Variants in COL5A2 observed in about 807,000 individuals in gnomAD.
The protein encoded by COL5A2 is collagen alpha-2(V) chain.
A neutral mutation model predicts 208.2 loss-of-function variants in COL5A2; 23 were observed. That is an observed-to-expected ratio of 0.11 (90% CI 0.08 to 0.16). COL5A2 has a LOEUF of 0.16. Ranked by LOEUF, COL5A2 falls within the 10% of genes least tolerant of loss-of-function variation. COL5A2 has a pLI of 1.00. For missense variants in COL5A2, 1,590 were observed against 1,956.4 expected (o/e 0.81, Z 3.53); for synonymous variants, 625 against 628.5 (o/e 0.99, Z 0.08).
chr2:189,260,719 A>C, the COL5A2 span, among the ~76,000 whole-genome samples: 1 of 152,224 alleles, frequency 6.6e-6, no homozygotes, highest in Non-Finnish European at 1.5e-5. Context: ...AGAAGGAAAG[A>C]AAGGTGGTGA....
At chr2:189,265,629 C>A in the COL5A2 span, among the ~76,000 whole-genome samples, 1 of 152,090 alleles carries the variant, frequency 6.6e-6, no homozygotes, top group African/African-American at 2.4e-5. Context: ...TTCAACAAAT[C>A]TTTTATGGGA....
At position 189,043,255 on chromosome 2, in the gene COL5A2, G is replaced by A; in HGVS notation, c.3367C>T (p.Pro1123Ser). Residue 1123 changes from proline to serine, a missense_variant, in exon 48 of 54, where the codon CCC becomes TCC. Physicochemically the swap from Pro to Ser is moderately conservative, Grantham distance 74. Coordinates refer to ENST00000374866, the MANE Select transcript of COL5A2 (RefSeq NM_000393.5). ...GRAGKRGLPG[P>S]QGPRGDKGDH... ...CCTTTGTCACCACGAGGTCCTTGGG[G>A]TCCCTAGAAATAGAGATATGGCATG... is the stretch of plus-strand genomic sequence containing the variant. The A allele has an allele frequency of 1.2e-6, 2 of 1,610,214 alleles. No homozygotes were observed. Among genetic ancestry groups the A allele is most frequent in the Non-Finnish European group, 1.7e-6 (2 of 1,176,666 alleles).
chr2:189,048,468 A>C (rs760061359), intron 44 of COL5A2, among the ~76,000 whole-genome samples: 1 of 152,210 alleles, frequency 6.6e-6, no homozygotes, highest in South Asian at 2.1e-4. Flanking sequence ...TACTTAATCC[A>C]TATTCTTCAT....
At chr2:189,433,666 G>A in the COL5A2 span, among the ~76,000 whole-genome samples, 1 of 152,092 alleles carries the variant, frequency 6.6e-6, no homozygotes, top group Non-Finnish European at 1.5e-5. Context: ...CCAATAACAG[G>A]CTCTGAAATT....
the COL5A2 span, among the ~76,000 whole-genome samples, chr2:189,332,943 T>C: frequency 6.6e-6 from 1 of 152,134 alleles, no homozygotes; most frequent in African/African-American, 2.4e-5. Flanking sequence ...ATTTGGAAAT[T>C]AAGCAACACT....
chr2:189,259,138 G>A, the COL5A2 span, among the ~76,000 whole-genome samples: 1 of 152,030 alleles, frequency 6.6e-6, no homozygotes, highest in Non-Finnish European at 1.5e-5. Context: ...AGTACCTTTT[G>A]GACACTCTAG....
At chr2:189,053,500 G>A (rs1029660981) in intron 37 of COL5A2, 23 bp from the exon 38 acceptor site, 15 of 1,601,594 alleles carry the variant, frequency 9.4e-6, no homozygotes, top group Non-Finnish European at 1.1e-5. Context: ...AAAGATTACT[G>A]TAGCTTTCAC....
chr2:189,412,391 T>C, the COL5A2 span, among the ~76,000 whole-genome samples: 1 of 152,228 alleles, frequency 6.6e-6, no homozygotes, highest in Non-Finnish European at 1.5e-5. Flanking sequence ...TTTTTGCATT[T>C]ATTTATATTA....
chr2:189,034,124 A>G lies in COL5A2; in HGVS notation c.4446T>C (p.Val1482=). 1 of 1,614,038 alleles carries G rather than the reference A, an allele frequency of 6.2e-7. No homozygotes were observed. The highest frequency in any genetic ancestry group is 8.5e-7 in the Non-Finnish European group (1 of 1,179,934). Residue 1482 remains valine (V), a synonymous_variant, in exon 54 of 54, where the codon GTT becomes GTC. Transcript: ENST00000374866. ...LPIIDLAPVD[V]GGTDQEFGVE... is the part of the protein sequence containing the mutation. ...CGCCGAATTCCTGGTCTGTGCCGCC[A>G]ACATCCACAGGAGCAAGATCTATGA...
the COL5A2 span, among the ~76,000 whole-genome samples, chr2:189,331,666 A>G: frequency 6.6e-6 from 1 of 152,198 alleles, no homozygotes; most frequent in Non-Finnish European, 1.5e-5. Context: ...CTATAAGTCC[A>G]TTAAGCTCTT....
chr2:189,058,996 T>C (rs887419725), intron 31 of COL5A2, 103 bp from the exon 32 acceptor site: 25 of 862,856 alleles, frequency 2.9e-5, no homozygotes, highest in Non-Finnish European at 4.2e-5. Flanking sequence ...AATGTGCCAT[T>C]AGAAGGCTGC....
At position 189,081,021 on chromosome 2, in the gene COL5A2, G is replaced by T. The variant is rs1211991688; in HGVS notation, c.875C>A (p.Ala292Asp). The T allele has an allele frequency of 3.7e-6, 6 of 1,613,500 alleles. No individual in the cohort carries two copies. Among genetic ancestry groups the T allele is most frequent in the Non-Finnish European group, 5.1e-6 (6 of 1,179,548 alleles). ...GSPGARGFPG[A>D]PGLPGLKGHR... ...ACCCTTCAGACCTGGAAGACCAGGA[G>T]CCCCAGGAAATCCACGAGCTCCCTG... is the stretch of plus-strand genomic sequence containing the variant. Residue 292 changes from alanine to aspartate, a missense_variant, in exon 13 of 54, where the codon GCT becomes GAT. By Grantham distance (126) the Ala-to-Asp change is moderately radical. Coordinates refer to ENST00000374866, the MANE Select transcript of COL5A2 (RefSeq NM_000393.5).
intron 1 of COL5A2, among the ~76,000 whole-genome samples, chr2:189,154,395 A>G (rs985691433): frequency 4.6e-5 from 7 of 152,220 alleles, no homozygotes; most frequent in African/African-American, 1.7e-4. Context: ...GAGAATCATA[A>G]TTCATGACTC....
chr2:189,099,396 G>T (rs1687002725), intron 4 of COL5A2, among the ~76,000 whole-genome samples: 1 of 152,226 alleles, frequency 6.6e-6, no homozygotes, highest in South Asian at 2.1e-4. Context: ...AGGCCAAGGT[G>T]GGTGGATCAC....
chr2:189,048,296 C>T (rs766978599), intron 44 of COL5A2, 34 bp from the exon 45 acceptor site: 5 of 1,596,364 alleles, frequency 3.1e-6, no homozygotes, highest in Non-Finnish European at 3.4e-6. Context: ...AACTACTTAA[C>T]TGAGTAATGA....
the COL5A2 span, among the ~76,000 whole-genome samples, chr2:189,355,589 C>T: frequency 6.6e-6 from 1 of 152,130 alleles, no homozygotes; most frequent in African/African-American, 2.4e-5. Context: ...TTATCAGAGA[C>T]TAGGATTGCA....
chr2:189,144,404 TG>T (rs1197285922), intron 1 of COL5A2, among the ~76,000 whole-genome samples: 3 of 152,070 alleles, frequency 2.0e-5, no homozygotes, highest in African/African-American at 2.4e-5. Flanking sequence ...CTGTAAATTT[TG>T]AATTAGAGAA....
At chr2:189,037,696 C>T (rs538135597) in intron 51 of COL5A2, among the ~76,000 whole-genome samples, 1 of 152,192 alleles carries the variant, frequency 6.6e-6, no homozygotes, top group South Asian at 2.1e-4. Context: ...CTATTTGATT[C>T]CAAAATGTCT....
chr2:189,176,733 TA>T (rs1233710409), intron 1 of COL5A2, among the ~76,000 whole-genome samples: 1 of 151,842 alleles, frequency 6.6e-6, no homozygotes. Context: ...ACACACTCTT[TA>T]AAAGCTGATT....
Sources: gnomAD v4.1 joint callset for allele counts (sites outside exome capture counted in the v4.1 genomes callset) on GRCh38, gnomAD v4.1.1 for gene constraint, MANE v1.5 for transcripts, NCBI Gene and HGNC (gene_info 2026-07-23, HGNC 2026-07-21) for gene names.